The following MFSD6 variants were observed in gnomAD, a reference collection of about 807,000 sequenced individuals.
MFSD6 encodes the protein major facilitator superfamily domain containing 6.
MFSD6 carries 26 observed loss-of-function variants against 56.3 expected under a neutral mutation model. The ratio of observed to expected loss-of-function variants is 0.46; its 90% CI spans 0.34 to 0.64. The LOEUF (loss-of-function observed/expected upper bound fraction) is 0.64, where lower values mean the gene tolerates loss of function less well. Among genes scored for constraint, MFSD6 ranks in the 30% least tolerant of loss-of-function variants. The pLI is 0.01. For missense variants in MFSD6, 750 were observed against 986.2 expected, an observed-to-expected ratio of 0.76 and a Z score of 3.21; for synonymous variants, 331 against 366.9, an observed-to-expected ratio of 0.90 and a Z score of 1.12.
rs905195703 is a variant in MFSD6 at position 190,494,421 on chromosome 2, C to G, written c.1892-3018C>G. Among the ~76,000 whole-genome samples, 3 of 151,936 alleles carry G rather than the reference C, an allele frequency of 2.0e-5. No homozygotes were observed. Among genetic ancestry groups the G allele is most frequent in the Non-Finnish European group, 4.4e-5 (3 of 68,002 alleles). On this transcript the variant is annotated intron_variant, in intron 6 of 7. Coordinates refer to ENST00000392328, the MANE Select transcript of MFSD6 (RefSeq NM_017694.4). The surrounding 1 kb of genome is among the most constrained non-coding windows in gnomAD (Gnocchi z 5.7). ...TCACAGCTGAATTCTATCAGGCATT[C>G]AAAGAAGAATTGGTACCAATCCTAT...
chr2:190,449,468 C>T (rs913111987), intron 3 of MFSD6, among the ~76,000 whole-genome samples: 4 of 151,280 alleles, frequency 2.6e-5, no homozygotes, highest in East Asian at 3.9e-4. Flanking sequence ...AGCAAGACTT[C>T]GTCTCAAAAA....
Position 190,500,066 on chromosome 2 carries a change from C to G in MFSD6, c.2224C>G (p.Pro742Ala). 6.2e-7 allele frequency: 1 copy of G among 1,614,190 alleles called. No homozygotes were observed. Among genetic ancestry groups the G allele is most frequent in the East Asian group, 2.2e-5 (1 of 44,886 alleles). The change falls in exon 8 of 8, where the codon CCA (proline) becomes GCA (alanine). Residue 742 changes from proline (P) to alanine (A), a missense_variant. This residue lies in a region of MFSD6 where 172 missense variants were observed against 203.9 expected (regional missense o/e 0.84). Transcript: ENST00000392328. This position sits in a 1 kb window ranked among gnomAD's most constrained non-coding sequence, Gnocchi z 5.3. ...NSPAGRAQPV[P>A]CETHSDPSRN... ...TCCTGCTGGTAGAGCCCAGCCTGTC[C>G]CATGTGAGACTCACTCTGACCCATC...
intron 2 of MFSD6, among the ~76,000 whole-genome samples, chr2:190,427,214 G>A (rs1445148062): frequency 1.3e-5 from 2 of 152,192 alleles, no homozygotes; most frequent in Non-Finnish European, 2.9e-5. Flanking sequence ...CACTGATACT[G>A]TGGCCTCATT....
At position 190,501,313 on chromosome 2, in the gene MFSD6, G is replaced by A. The variant is rs1690011871; in HGVS notation, c.*1095G>A. ...ATAAGTAGCAACTATACTTTCCAAT[G>A]ACTAAAGAAAGAAAATCTCAGTATA... On this transcript the variant is annotated 3_prime_UTR_variant, in exon 8 of 8. Transcript: ENST00000392328. 6.6e-6 allele frequency: 1 copy of A among 152,142 alleles called. No individual in the cohort carries two copies. Among genetic ancestry groups the A allele is most frequent in the Non-Finnish European group, 1.5e-5 (1 of 68,038 alleles). The allele number at this position is 152,142 out of a possible 1,614,324, so 9.4% of individuals were successfully genotyped here. A position where few individuals can be genotyped will look rare whatever the true frequency, so the allele number is the denominator to read the frequency against.
rs191666859 is a variant in MFSD6, at chr2:190,446,684, T to C, written c.1532+9123T>C. ...CTAGAAATTCCAAGTTGGCCAGAGA[T>C]AGGGAATCTACAGTAGCTAGACATT... On this transcript the variant is annotated intron_variant, in intron 3 of 7. Coordinates refer to ENST00000392328, the MANE Select transcript of MFSD6 (RefSeq NM_017694.4). Among the ~76,000 whole-genome samples, 269 of 152,248 alleles carry C rather than the reference T, an allele frequency of 1.8e-3. 4 individuals are homozygous for C. The South Asian group carries it at 0.021, about 12-fold the overall frequency.
Position 190,428,613 on chromosome 2 carries a change from T to C in MFSD6, c.-53-7364T>C, listed in dbSNP as rs1575827549. ...CAAAAATGCTACAATGTGCATCTCC[T>C]TTGAGTATCATGTTGGCACTCAAAC... On this transcript the variant is annotated intron_variant, in intron 2 of 7. Transcript: ENST00000392328. Among the ~76,000 whole-genome samples, 4 of 152,310 alleles carry C rather than the reference T, an allele frequency of 2.6e-5. No individual in the cohort carries two copies. In the South Asian group the frequency reaches 8.3e-4, roughly 32 times the overall value.
At chr2:190,409,958 CAGG>C (rs1186435830) in intron 1 of MFSD6, among the ~76,000 whole-genome samples, 4 of 152,120 alleles carry the variant, frequency 2.6e-5, no homozygotes, top group Non-Finnish European at 5.9e-5. Flanking sequence ...TCTGGGGAAA[CAGG>C]AGGAGAGAAC....
At chr2:190,476,754 CAT>C (rs1172742080) in intron 4 of MFSD6, among the ~76,000 whole-genome samples, 5 of 152,114 alleles carry the variant, frequency 3.3e-5, no homozygotes, top group South Asian at 4.1e-4. Context: ...CACATGCACA[CAT>C]ATGTTTATTG....
At position 190,434,350 on chromosome 2, in the gene MFSD6, T is replaced by C. The variant is rs1257549825; in HGVS notation, c.-53-1627T>C. On this transcript the variant is annotated intron_variant, in intron 2 of 7. Coordinates refer to ENST00000392328, the MANE Select transcript of MFSD6 (RefSeq NM_017694.4). The surrounding 1 kb of genome is among the most constrained non-coding windows in gnomAD (Gnocchi z 4.3). Reference sequence around the variant, plus strand: ...AATCTTTAATAGAAGAAAGGGAAATTCTGATGGGATGCTGGCACAGTTCCT... The same window carrying C: ...AATCTTTAATAGAAGAAAGGGAAATCCTGATGGGATGCTGGCACAGTTCCT... 6.6e-6 allele frequency among the ~76,000 whole-genome samples: 1 copy of C among 152,170 alleles called. No homozygotes were observed. Among genetic ancestry groups the C allele is most frequent in the Non-Finnish European group, 1.5e-5 (1 of 68,030 alleles).
chr2:190,500,000 G>GT lies in MFSD6; in HGVS notation c.2173-9dup, dbSNP rs745756974. On this transcript the variant is annotated splice_polypyrimidine_tract_variant and intron_variant, in intron 7 of 7. Transcript: ENST00000392328. The surrounding 1 kb of genome is among the most constrained non-coding windows in gnomAD (Gnocchi z 6.0). ...TATCACTGATCATGGGGCATCTCCT[G>GT]TTTTTTACCTCCAGGGGACCAATGA... 21 of 1,613,898 alleles carry GT rather than the reference G, an allele frequency of 1.3e-5. No individual in the cohort carries two copies. The highest frequency in any genetic ancestry group is 1.8e-5 in the Non-Finnish European group (21 of 1,179,784).
In MFSD6 at chr2:190,489,740, C is replaced by T. The variant is rs777235287; in HGVS notation, c.1793-28C>T. 2 of 1,596,326 alleles carry T rather than the reference C, an allele frequency of 1.3e-6. No homozygotes were observed. Among genetic ancestry groups the T allele is most frequent in the South Asian group, 2.2e-5 (2 of 89,996 alleles). On this transcript the variant is annotated intron_variant, in intron 5 of 7. Coordinates refer to ENST00000392328, the MANE Select transcript of MFSD6 (RefSeq NM_017694.4). This position sits in a 1 kb window ranked among gnomAD's most constrained non-coding sequence, Gnocchi z 6.6. The stretch of plus-strand genomic sequence containing the variant: ...GCGCTATCTGCATTTCTTGGAATTA[C>T]TCTATAGAGTGCTGTTTGTTTTTAT...
chr2:190,481,281 C>CT (rs1278080209), intron 4 of MFSD6, among the ~76,000 whole-genome samples: 1 of 152,286 alleles, frequency 6.6e-6, no homozygotes, highest in African/African-American at 2.4e-5. Flanking sequence ...CAGTTATAGA[C>CT]TTTTTTTAAG....
chr2:190,500,265 C>T lies in MFSD6; in HGVS notation c.*47C>T, dbSNP rs544205749. ...CCCTGCATGGAATCAGGCTCCTCAG[C>T]CAGGACACAGGGTGAGGCCCCCCAG... On this transcript the variant is annotated 3_prime_UTR_variant, in exon 8 of 8. Coordinates refer to ENST00000392328, the MANE Select transcript of MFSD6 (RefSeq NM_017694.4). The surrounding 1 kb of genome is among the most constrained non-coding windows in gnomAD (Gnocchi z 5.3). The T allele has an allele frequency of 1.2e-6, 2 of 1,605,130 alleles. No individual in the cohort carries two copies. The highest frequency in any genetic ancestry group is 1.7e-6 in the Non-Finnish European group (2 of 1,173,646).
At chr2:190,466,291 A>G (rs781434698) in intron 3 of MFSD6, among the ~76,000 whole-genome samples, 2 of 152,228 alleles carry the variant, frequency 1.3e-5, no homozygotes, top group African/African-American at 2.4e-5. Context: ...TGGTTCAGTC[A>G]TAACAGTGCA....
rs1689955360 is a variant in MFSD6 at position 190,500,162 on chromosome 2, C to G, written c.2320C>G (p.Pro774Ala). ...CAGCCCCGCTCACCCCAGTGTGGACCCGTGCACAGAGGAGAGTGAAGAGCA... is the reference window on the plus strand; with the variant it reads ...CAGCCCCGCTCACCCCAGTGTGGACGCGTGCACAGAGGAGAGTGAAGAGCA... The part of the protein sequence containing the change: ...QTSPAHPSVD[P>A]CTEESEEQQA... Residue 774 changes from proline to alanine, a missense_variant, in exon 8 of 8, where the codon CCG (proline) becomes GCG (alanine). Pro to Ala is a conservative substitution (Grantham distance 27, BLOSUM62 -1). Coordinates refer to ENST00000392328, the MANE Select transcript of MFSD6 (RefSeq NM_017694.4). The surrounding 1 kb of genome is among the most constrained non-coding windows in gnomAD (Gnocchi z 5.3). 6.2e-7 allele frequency: 1 copy of G among 1,614,140 alleles called. No individual in the cohort carries two copies. The highest frequency in any genetic ancestry group is 8.5e-7 in the Non-Finnish European group (1 of 1,180,030).
Position 190,499,827 on chromosome 2 carries a change from G to A in MFSD6, c.2173-188G>A. On this transcript the variant is annotated intron_variant, in intron 7 of 7. Transcript: ENST00000392328. The surrounding 1 kb of genome is among the most constrained non-coding windows in gnomAD (Gnocchi z 6.0). ...GTGTTTGTGTTTTTCATGCGGCTCT[G>A]GCAGTTGCACATAGGAAAGGAGATG... The A allele has an allele frequency of 6.5e-7, 1 of 1,540,524 alleles. No individual in the cohort carries two copies.
rs992919089 is a variant in MFSD6 at position 190,413,805 on chromosome 2, A to G, written c.-175-1487A>G. Among the ~76,000 whole-genome samples, 1 of 152,142 alleles carries G rather than the reference A, an allele frequency of 6.6e-6. No homozygotes were observed. Among genetic ancestry groups the G allele is most frequent in the Non-Finnish European group, 1.5e-5 (1 of 68,014 alleles). ...TGCTCTCTCTGAGCTCCAATAAACCAATGTACCATGAGCCCTGCTATACTG... is the reference window on the plus strand; with the variant it reads ...TGCTCTCTCTGAGCTCCAATAAACCGATGTACCATGAGCCCTGCTATACTG... On this transcript the variant is annotated intron_variant, in intron 1 of 7. Transcript: ENST00000392328. This position sits in a 1 kb window ranked among gnomAD's most constrained non-coding sequence, Gnocchi z 4.1.
intron 4 of MFSD6, among the ~76,000 whole-genome samples, chr2:190,481,776 C>G (rs764895265): frequency 1.3e-5 from 2 of 152,168 alleles, no homozygotes; most frequent in Admixed American, 6.5e-5. Context: ...GCTTTTAACA[C>G]AAATTGTTGC....
chr2:190,483,930 A>G (rs1270054199), intron 4 of MFSD6, among the ~76,000 whole-genome samples: 1 of 152,120 alleles, frequency 6.6e-6, no homozygotes, highest in Non-Finnish European at 1.5e-5. Flanking sequence ...ATGGATCCCA[A>G]GTAAAGTCTT....
Sources: allele counts gnomAD v4.1 joint callset (sites outside exome capture counted in the v4.1 genomes callset), GRCh38; gene constraint gnomAD v4.1.1; regional missense constraint gnomAD v4.1.1; non-coding constraint Gnocchi (gnomAD v3.1); transcripts MANE v1.5; gene names NCBI Gene and HGNC (gene_info 2026-07-23, HGNC 2026-07-21).